Variants in SGSM3 observed in about 807,000 individuals in gnomAD.
SGSM3 encodes the protein RUN and SH3 containing 3.
Under a neutral mutation model 100.5 loss-of-function variants are expected in SGSM3, and 96 were observed. That is an observed-to-expected ratio of 0.96 (90% CI 0.81 to 1.13). The LOEUF (loss-of-function observed/expected upper bound fraction) is 1.13. SGSM3 is among the 50% of genes most tolerant of loss of function. SGSM3 has a pLI of 0.00. For synonymous variants in SGSM3, 483 were observed against 422.8 expected (o/e 1.14, Z -1.75); for missense variants, 1,001 against 1,015.8 (o/e 0.99, Z 0.20).
Position 40,409,987 on chromosome 22 carries a change from A to AAAAACCTTGTGAGGAGGTGG in SGSM3, c.*229_*248dup. Reference sequence around the variant, plus strand: ...TCTAGGCCAAACCACAGTTTGTACCAAAAACCTTGTGAGGAGGTGGGGGAG... The same window carrying AAAAACCTTGTGAGGAGGTGG: ...TCTAGGCCAAACCACAGTTTGTACCAAAAACCTTGTGAGGAGGTGGAAAACCTTGTGAGGAGGTGGGGGAG... On this transcript the variant is annotated 3_prime_UTR_variant, in exon 22 of 22. Coordinates refer to ENST00000248929, the MANE Select transcript of SGSM3 (RefSeq NM_015705.6). 3 of 1,333,692 alleles carry AAAAACCTTGTGAGGAGGTGG rather than the reference A, an allele frequency of 2.2e-6. No homozygotes were observed. The highest frequency in any genetic ancestry group is 2.9e-6 in the Non-Finnish European group (3 of 1,048,154). The allele number at this position is 1,333,692 out of a possible 1,614,324, so 82.6% of individuals were successfully genotyped here.
chr22:40,408,598 T>TGCACTCACACCGTGTGCTGTCCCC (rs772035861), intron 16 of SGSM3, 29 bp from the exon 17 acceptor site: 4 of 1,612,868 alleles, frequency 2.5e-6, no homozygotes, highest in Non-Finnish European at 3.4e-6. Context: ...TTCCTGTCCC[T>TGCACTCACACCGTGTGCTGTCCCC]GCACTCACAC....
chr22:40,392,242 G>C (rs2049447389), intron 1 of SGSM3, among the ~76,000 whole-genome samples: 1 of 150,928 alleles, frequency 6.6e-6, no homozygotes, highest in African/African-American at 2.4e-5. Flanking sequence ...GATTATTCCA[G>C]TAATTACTTA....
At chr22:40,371,034 G>A (rs2045339398) in intron 1 of SGSM3, among the ~76,000 whole-genome samples, 1 of 152,252 alleles carries the variant, frequency 6.6e-6, no homozygotes, top group Non-Finnish European at 1.5e-5. Context: ...GAGGCGGGGG[G>A]CTTTCTAAAA....
intron 2 of SGSM3, 140 bp from the exon 3 acceptor site, chr22:40,401,453 C>A: frequency 1.7e-6 from 1 of 589,022 alleles, no homozygotes; most frequent in African/African-American, 1.9e-5. Flanking sequence ...TCCATGTTGG[C>A]CAGGCTGGTC....
chr22:40,404,104 T>C lies in SGSM3; in HGVS notation c.158-143T>C, dbSNP rs909193402. On this transcript the variant is annotated intron_variant, in intron 4 of 21. Coordinates refer to ENST00000248929, the MANE Select transcript of SGSM3 (RefSeq NM_015705.6). Reference sequence around the variant, plus strand: ...CTCACCTGGAGCTGTCAGAAAGCCATTAGCTATGGGAATCTGGATATGGTG... The same window carrying C: ...CTCACCTGGAGCTGTCAGAAAGCCACTAGCTATGGGAATCTGGATATGGTG... The C allele has an allele frequency of 6.6e-6, 4 of 607,790 alleles. No individual in the cohort carries two copies. In the African/African-American group the frequency reaches 7.5e-5, roughly 11 times the overall value. 37.6% of individuals were successfully genotyped at this position (607,790 alleles called of 1,614,324 possible).
rs1301369749 is a variant in SGSM3, at chr22:40,408,342, C to T, written c.1695C>T (p.Cys565=). 5.6e-6 allele frequency: 9 copies of T among 1,613,422 alleles called. No homozygotes were observed. Among genetic ancestry groups the T allele is most frequent in the African/African-American group, 1.3e-5 (1 of 74,900 alleles). ...GVTDLVRGTL[C]PALKALFEHG... ...CAGACCTCGTGCGAGGGACCCTCTG[C>T]CCGGCCCTTAAGGCCCTGTTCGAAC... is the stretch of plus-strand genomic sequence containing the variant. The change falls in exon 16 of 22, where the codon TGC becomes TGT. Residue 565 remains cysteine, a synonymous_variant. Transcript: ENST00000248929.
Position 40,405,684 on chromosome 22 carries a change from G to A in SGSM3, c.654G>A (p.Glu218=). The change falls in exon 8 of 22, where the codon GAG becomes GAA. Residue 218 remains glutamate (E), a synonymous_variant. Coordinates refer to ENST00000248929, the MANE Select transcript of SGSM3 (RefSeq NM_015705.6). ...AACLLLFLEE[E]DAFWMMSAII... ...GCCTCCTGCTGTTCCTGGAGGAGGAGGACGCCTTCTGGATGATGTCTGCCA... is the reference window on the plus strand; with the variant it reads ...GCCTCCTGCTGTTCCTGGAGGAGGAAGACGCCTTCTGGATGATGTCTGCCA... 6.2e-7 allele frequency: 1 copy of A among 1,613,746 alleles called. No individual in the cohort carries two copies. The highest frequency in any genetic ancestry group is 8.5e-7 in the Non-Finnish European group (1 of 1,179,902).
In SGSM3 at chr22:40,408,097, G is replaced by T. The variant is rs774577542; in HGVS notation, c.1606G>T (p.Val536Phe). 2.5e-6 allele frequency: 4 copies of T among 1,613,232 alleles called. No individual in the cohort carries two copies. The highest frequency in any genetic ancestry group is 3.4e-6 in the Non-Finnish European group (4 of 1,179,778). Residue 536 changes from valine (V) to phenylalanine (F), a missense_variant, in exon 15 of 22, where the codon GTC (valine) becomes TTC (phenylalanine). Coordinates refer to ENST00000248929, the MANE Select transcript of SGSM3 (RefSeq NM_015705.6). ...RGWFPAKFVE[V>F]LDERSKEYSI... is the part of the protein sequence containing the mutation. ...CTGGTTTCCAGCCAAGTTCGTGGAA[G>T]TCCTGGATGAGCGCAGCAAAGAGGT... is the stretch of plus-strand genomic sequence containing the variant.
chr22:40,383,466 C>CA lies in SGSM3; in HGVS notation c.-112+12795dup, dbSNP rs534039238. Among the ~76,000 whole-genome samples the CA allele has an allele frequency of 5.3e-3, 466 of 87,182 alleles. 2 individuals are homozygous for CA. Among genetic ancestry groups the CA allele is most frequent in the African/African-American group, 0.013 (300 of 23,020 alleles). The allele number at this position is 87,182 out of a possible 152,430, so 57.2% of individuals were successfully genotyped here. On this transcript the variant is annotated intron_variant, in intron 1 of 21. Transcript: ENST00000248929. ...TTGGCGACAGAGCGAGACTCTGTCT[C>CA]AAAAAAAAAAAAAAAAAGTCAGTAG... is the stretch of plus-strand genomic sequence containing the variant.
intron 1 of SGSM3, among the ~76,000 whole-genome samples, chr22:40,376,056 GA>G (rs375491013): frequency 1.2e-4 from 16 of 138,746 alleles, no homozygotes; most frequent in Middle Eastern, 3.8e-3. Context: ...CAAAAAACTG[GA>G]AAAAAAAAAA....
chr22:40,409,621 G>C (rs139198018), intron 21 of SGSM3, 61 bp from the exon 22 acceptor site: 14 of 1,613,012 alleles, frequency 8.7e-6, no homozygotes, highest in Non-Finnish European at 1.1e-5. Flanking sequence ...TGGTGTCAGC[G>C]GTTAGGAACT....
chr22:40,405,780 C>T lies in SGSM3; in HGVS notation c.750C>T (p.Val250=). 6.2e-7 allele frequency: 1 copy of T among 1,613,692 alleles called. No individual in the cohort carries two copies. Among genetic ancestry groups the T allele is most frequent in the Non-Finnish European group, 8.5e-7 (1 of 1,179,974 alleles). The change falls in exon 8 of 22, where the codon GTC becomes GTT. Residue 250 remains valine (V), a synonymous_variant. Coordinates refer to ENST00000248929, the MANE Select transcript of SGSM3 (RefSeq NM_015705.6). ...TGGGTGTCCAGACTGACCAGCGGGT[C>T]CTGCGCCACCTCATTGTCCAGTACC... is the stretch of plus-strand genomic sequence containing the variant. ...TLLGVQTDQR[V]LRHLIVQYLP... is the part of the protein sequence containing the mutation.
chr22:40,393,275 G>A (rs1189914550), intron 1 of SGSM3, among the ~76,000 whole-genome samples: 3 of 152,132 alleles, frequency 2.0e-5, no homozygotes, highest in Non-Finnish European at 4.4e-5. Context: ...GTGCCACCAC[G>A]CCCAGCTAAT....
At chr22:40,405,955 G>A (rs2051435906) in intron 8 of SGSM3, 111 bp downstream of exon 8, 1 of 1,479,758 alleles carries the variant, frequency 6.8e-7, no homozygotes, top group Non-Finnish European at 9.2e-7. Flanking sequence ...TCGCTCTTTT[G>A]TTCTCTGGTG....
At position 40,405,697 on chromosome 22, in the gene SGSM3, A is replaced by G; in HGVS notation, c.667A>G (p.Met223Val). The G allele has an allele frequency of 6.2e-7, 1 of 1,613,584 alleles. No individual in the cohort carries two copies. The highest frequency in any genetic ancestry group is 8.5e-7 in the Non-Finnish European group (1 of 1,179,886). Residue 223 changes from methionine to valine, a missense_variant, in exon 8 of 22, where the codon ATG becomes GTG. Transcript: ENST00000248929. ...LFLEEEDAFW[M>V]MSAIIEDLLP... ...CCTGGAGGAGGAGGACGCCTTCTGG[A>G]TGATGTCTGCCATCATCGAGGACCT... is the stretch of plus-strand genomic sequence containing the variant.
At chr22:40,392,244 A>T in intron 1 of SGSM3, among the ~76,000 whole-genome samples, 1 of 151,842 alleles carries the variant, frequency 6.6e-6, no homozygotes, top group Middle Eastern at 3.2e-3. Flanking sequence ...TTATTCCAGT[A>T]ATTACTTAGA....
At position 40,405,771 on chromosome 22, in the gene SGSM3, C is replaced by T. The variant is rs763339730; in HGVS notation, c.741C>T (p.Asp247=). The T allele has an allele frequency of 6.2e-7, 1 of 1,613,726 alleles. No individual in the cohort carries two copies. Among genetic ancestry groups the T allele is most frequent in the South Asian group, 1.1e-5 (1 of 91,076 alleles). ...CCACCCTGCTGGGTGTCCAGACTGA[C>T]CAGCGGGTCCTGCGCCACCTCATTG... ...FSTTLLGVQT[D]QRVLRHLIVQ... The change falls in exon 8 of 22, where the codon GAC becomes GAT. Residue 247 remains aspartate, a synonymous_variant. Transcript: ENST00000248929.
At chr22:40,373,419 C>T (rs959714968) in intron 1 of SGSM3, 8 of 152,182 alleles carry the variant, frequency 5.3e-5, no homozygotes, top group Admixed American at 4.6e-4. Flanking sequence ...CTGACTTCTA[C>T]CCTCAACTCT....
At chr22:40,371,223 G>A (rs2045399465) in intron 1 of SGSM3, among the ~76,000 whole-genome samples, 1 of 152,270 alleles carries the variant, frequency 6.6e-6, no homozygotes, top group South Asian at 2.1e-4. Context: ...ACGTTAGCCA[G>A]AATCATCCGG....
Sources: gnomAD v4.1 joint callset for allele counts (sites outside exome capture counted in the v4.1 genomes callset) on GRCh38, gnomAD v4.1.1 for gene constraint, MANE v1.5 for transcripts, NCBI Gene and HGNC (gene_info 2026-07-23, HGNC 2026-07-21) for gene names.